MBD5: variants seen among roughly 807,000 people sequenced by gnomAD.
MBD5 encodes methyl-CpG-binding domain protein 5.
A neutral mutation model predicts 117.3 loss-of-function variants in MBD5; 13 were observed. That is an observed-to-expected ratio of 0.11 (90% confidence interval 0.07 to 0.18). MBD5 has a LOEUF of 0.18. MBD5 is among the 10% of genes least tolerant of loss of function. The pLI is 1.00. For missense variants in MBD5, 1,879 were observed against 2,093.8 expected, an observed-to-expected ratio of 0.90 and a Z score of 2.00; for synonymous variants, 727 against 766.4, an observed-to-expected ratio of 0.95 and a Z score of 0.85.
chr2:148,156,210 C>T (rs570210787), intron 1 of MBD5, among the ~76,000 whole-genome samples: 5 of 152,270 alleles, frequency 3.3e-5, no homozygotes, highest in African/African-American at 9.6e-5. Context: ...GAATTAAAAC[C>T]GACCAATGAT....
intron 1 of MBD5, among the ~76,000 whole-genome samples, chr2:148,166,131 C>G (rs938318259): frequency 6.6e-6 from 1 of 152,098 alleles, no homozygotes; most frequent in African/African-American, 2.4e-5. Context: ...AAGAATGACT[C>G]AGAAGCTCTT....
intron 3 of MBD5, among the ~76,000 whole-genome samples, chr2:148,241,969 T>C (rs184357923): frequency 3.6e-4 from 55 of 152,312 alleles, no homozygotes; most frequent in Non-Finnish European, 5.9e-4. Flanking sequence ...GTCTTTTTAC[T>C]TTCATATTTA....
chr2:148,158,158 A>T (rs574780103), intron 1 of MBD5, among the ~76,000 whole-genome samples: 3 of 152,320 alleles, frequency 2.0e-5, no homozygotes, highest in South Asian at 2.1e-4. Flanking sequence ...TTAATAGAAT[A>T]GTGATTATAT....
intron 2 of MBD5, among the ~76,000 whole-genome samples, chr2:148,197,238 T>G (rs191489851): frequency 2.6e-5 from 4 of 152,092 alleles, no homozygotes; most frequent in Admixed American, 6.5e-5. Flanking sequence ...CTGAGCCACG[T>G]GAGAGGCTGC....
At position 148,151,716 on chromosome 2, in the gene MBD5, A is replaced by G. The variant is rs1381293699; in HGVS notation, c.-924-26984A>G. 3.3e-5 allele frequency among the ~76,000 whole-genome samples: 5 copies of G among 152,226 alleles called. No homozygotes were observed. In the South Asian group the frequency reaches 1.0e-3, roughly 32 times the overall value. ...TTTATCCATTTCTTCTAGATTTTCT[A>G]GTTGATTTGTGTAGAGGTGTTTGTA... On this transcript the variant is annotated intron_variant, in intron 1 of 13. Coordinates refer to ENST00000642680, the MANE Select transcript of MBD5 (RefSeq NM_001378120.1).
At chr2:148,474,563 T>C (rs1680900283) in intron 8 of MBD5, among the ~76,000 whole-genome samples, 1 of 152,192 alleles carries the variant, frequency 6.6e-6, no homozygotes, top group Non-Finnish European at 1.5e-5. Flanking sequence ...ATCAGCTCTT[T>C]TAAACACATG....
chr2:148,413,908 T>TA lies in MBD5; in HGVS notation c.-556-44280dup, dbSNP rs200280301. ...CAGTATATCAATCTTACTTATTTTC[T>TA]AAAAAAAAAAAAAAAGCCACCTTTG... On this transcript the variant is annotated intron_variant, in intron 4 of 13. Transcript: ENST00000642680. 3.9e-3 allele frequency among the ~76,000 whole-genome samples: 540 copies of TA among 138,610 alleles called. 4 individuals carry two copies. Among genetic ancestry groups the TA allele is most frequent in the African/African-American group, 0.012 (457 of 38,088 alleles). 90.9% of individuals were successfully genotyped at this position (138,610 alleles called of 152,430 possible). A position where few individuals can be genotyped will look rare whatever the true frequency, so the allele number is the denominator to read the frequency against.
rs1701304847 is a variant in MBD5, at chr2:148,283,772, G to T, written c.-680+50377G>T. ...GCTTACTAGAGCAGTGCAAAGGTTA[G>T]TAAAATTTCTGCCTCTGGGAGCCCA... On this transcript the variant is annotated intron_variant, in intron 3 of 13. Coordinates refer to ENST00000642680, the MANE Select transcript of MBD5 (RefSeq NM_001378120.1). Among the ~76,000 whole-genome samples, 2 of 152,160 alleles carry T rather than the reference G, an allele frequency of 1.3e-5. 1 individual carries two copies. The highest frequency in any genetic ancestry group is 4.1e-4 in the South Asian group (2 of 4,830).
At chr2:148,388,864 G>A (rs1704461544) in intron 4 of MBD5, among the ~76,000 whole-genome samples, 1 of 151,868 alleles carries the variant, frequency 6.6e-6, no homozygotes, top group Admixed American at 6.6e-5. Context: ...AATTTCAGGG[G>A]ATACATGTAC....
At chr2:148,280,986 C>A (rs2106381790) in intron 3 of MBD5, among the ~76,000 whole-genome samples, 1 of 152,188 alleles carries the variant, frequency 6.6e-6, no homozygotes, top group Non-Finnish European at 1.5e-5. Context: ...CTTTTTCTAA[C>A]CTCTGATAGC....
At chr2:148,266,349 T>G (rs1225570816) in intron 3 of MBD5, among the ~76,000 whole-genome samples, 1 of 152,022 alleles carries the variant, frequency 6.6e-6, no homozygotes, top group African/African-American at 2.4e-5. Context: ...GAACAATAAT[T>G]ATAAGAAAAA....
chr2:148,047,310 A>AG (rs1558901726), intron 1 of MBD5, among the ~76,000 whole-genome samples: 1 of 152,200 alleles, frequency 6.6e-6, no homozygotes, highest in Non-Finnish European at 1.5e-5. Flanking sequence ...TCAAGCCATA[A>AG]CTAAGACCAT....
chr2:148,510,346 G>T (rs181711665), intron 13 of MBD5, among the ~76,000 whole-genome samples: 36 of 152,342 alleles, frequency 2.4e-4, no homozygotes, highest in Non-Finnish European at 4.0e-4. Context: ...CCTGAGATAA[G>T]TAATTTTGTT....
At chr2:148,369,786 A>G (rs1242143193) in intron 4 of MBD5, among the ~76,000 whole-genome samples, 1 of 152,148 alleles carries the variant, frequency 6.6e-6, no homozygotes, top group Non-Finnish European at 1.5e-5. Flanking sequence ...CTCCCTCAAG[A>G]AAAGATAGTT....
intron 3 of MBD5, among the ~76,000 whole-genome samples, chr2:148,246,929 ACCTAATACCTCTTTGTTATCCCAT>A (rs1194920760): frequency 2.3e-4 from 35 of 152,262 alleles, no homozygotes; most frequent in African/African-American, 8.2e-4. Context: ...TACTTTTACC[ACCTAATACCTCTTTGTTATCCCAT>A]CCTTGAAATA....
intron 5 of MBD5, among the ~76,000 whole-genome samples, chr2:148,459,124 C>G (rs1398948759): frequency 6.6e-6 from 1 of 152,080 alleles, no homozygotes; most frequent in African/African-American, 2.4e-5. Context: ...AAGAAACATG[C>G]AATCATCATT....
intron 1 of MBD5, among the ~76,000 whole-genome samples, chr2:148,156,685 G>A (rs1427066928): frequency 8.5e-5 from 13 of 152,060 alleles, no homozygotes; most frequent in Non-Finnish European, 1.3e-4. Flanking sequence ...TTAGCATAGC[G>A]CCTTTCACTT....
chr2:148,294,596 G>A (rs569732402), intron 3 of MBD5, among the ~76,000 whole-genome samples: 9 of 148,122 alleles, frequency 6.1e-5, no homozygotes, highest in South Asian at 4.2e-4. Context: ...TCCACCTCCC[G>A]GGTTCAAGGG....
intron 7 of MBD5, among the ~76,000 whole-genome samples, chr2:148,466,668 C>G (rs71350081): frequency 2.0e-5 from 3 of 152,034 alleles, no homozygotes; most frequent in Non-Finnish European, 4.4e-5. Context: ...CTCTTTTTAA[C>G]AAGAAAATAA....
Sources: allele counts gnomAD v4.1 joint callset (sites outside exome capture counted in the v4.1 genomes callset), GRCh38; gene constraint gnomAD v4.1.1; transcripts MANE v1.5; gene names NCBI Gene and HGNC (gene_info 2026-07-23, HGNC 2026-07-21).